The following ZNF423 variants were observed in gnomAD, a reference collection of about 807,000 sequenced individuals.
ZNF423 encodes the protein Ebf-associated zinc finger protein.
A neutral mutation model predicts 95.8 loss-of-function variants in ZNF423; 12 were observed. The ratio of observed to expected loss-of-function variants is 0.13; its 90% CI spans 0.08 to 0.20. The LOEUF (loss-of-function observed/expected upper bound fraction) is 0.20, where lower values mean the gene tolerates loss of function less well. ZNF423 is among the 10% of genes least tolerant of loss of function. The pLI, the probability that ZNF423 is intolerant of heterozygous loss-of-function variation, is 1.00. For missense variants in ZNF423, 1,316 were observed against 1,737.1 expected (o/e 0.76, Z 4.31); for synonymous variants, 749 against 711.9 (o/e 1.05, Z -0.83).
At chr16:49,745,611 C>T (rs1035163344) in intron 2 of ZNF423, among the ~76,000 whole-genome samples, 13 of 152,324 alleles carry the variant, frequency 8.5e-5, no homozygotes, top group Admixed American at 3.9e-4. Flanking sequence ...CGCACTCGAG[C>T]GCGACGTGGT....
chr16:49,559,622 A>G (rs894823774), intron 5 of ZNF423, among the ~76,000 whole-genome samples: 77 of 152,306 alleles, frequency 5.1e-4, no homozygotes, highest in Middle Eastern at 3.4e-3. Context: ...TGATGACAAC[A>G]TGTTTTCCTG....
rs372912977 is a variant in ZNF423 at position 49,545,433 on chromosome 16, G to T, written c.3602-19939C>A. ...CACATCTCAACATGTGCAAGACTGG[G>T]CCTTGGCTGCCACATGACCATGCCA... On this transcript the variant is annotated intron_variant, in intron 5 of 7. Transcript: ENST00000563137. Among the ~76,000 whole-genome samples the T allele has an allele frequency of 5.5e-4, 83 of 152,214 alleles. 3 individuals carry two copies. The East Asian group carries it at 0.012, about 21-fold the overall frequency.
Position 49,491,249 on chromosome 16 carries a change from G to T in ZNF423, c.*26C>A, listed in dbSNP as rs1966947152. 6.2e-7 allele frequency: 1 copy of T among 1,614,046 alleles called. No individual in the cohort carries two copies. The highest frequency in any genetic ancestry group is 8.5e-7 in the Non-Finnish European group (1 of 1,180,008). ...ACGGCGTCTCCGGCAAGCCTTCTGCGGAGAGGTGTCCTGTTGAGCGATCCC... is the reference window on the plus strand; with the variant it reads ...ACGGCGTCTCCGGCAAGCCTTCTGCTGAGAGGTGTCCTGTTGAGCGATCCC... On this transcript the variant is annotated 3_prime_UTR_variant, in exon 8 of 8. Transcript: ENST00000563137.
intron 3 of ZNF423, among the ~76,000 whole-genome samples, chr16:49,706,655 A>T (rs1393659281): frequency 6.6e-6 from 1 of 152,270 alleles, no homozygotes; most frequent in Non-Finnish European, 1.5e-5. Flanking sequence ...TCATCCATTC[A>T]TAAAAAATAC....
At chr16:49,682,948 C>T (rs955916908) in intron 3 of ZNF423, among the ~76,000 whole-genome samples, 3 of 152,182 alleles carry the variant, frequency 2.0e-5, no homozygotes, top group African/African-American at 7.2e-5. Flanking sequence ...GCAACCCCAC[C>T]GGGCACCCGT....
chr16:49,805,402 TG>T (rs2034646952), intron 1 of ZNF423, among the ~76,000 whole-genome samples: 1 of 152,142 alleles, frequency 6.6e-6, no homozygotes, highest in Non-Finnish European at 1.5e-5. Context: ...ATCTTACAGG[TG>T]GAAAAACCAG....
At chr16:49,787,837 A>G (rs1427408498) in intron 2 of ZNF423, among the ~76,000 whole-genome samples, 1 of 152,096 alleles carries the variant, frequency 6.6e-6, no homozygotes, top group African/African-American at 2.4e-5. Flanking sequence ...TGTAGACAAC[A>G]CTGGGCTGAG....
chr16:49,545,551 C>T (rs764990857), intron 5 of ZNF423, among the ~76,000 whole-genome samples: 1 of 152,174 alleles, frequency 6.6e-6, no homozygotes, highest in South Asian at 2.1e-4. Context: ...TGTTCAGCAC[C>T]GAGCCTCCGA....
rs941633996 is a variant in ZNF423, at chr16:49,695,513, G to A, written c.301+35258C>T. ...TCTCCATGTGGGTCAGGCTGGTCTC[G>A]AACTCCCAACCTCAGGTGATCCGCC... On this transcript the variant is annotated intron_variant, in intron 3 of 7. Transcript: ENST00000563137. Among the ~76,000 whole-genome samples, 12 of 152,310 alleles carry A rather than the reference G, an allele frequency of 7.9e-5. No homozygotes were observed. In the East Asian group the frequency reaches 9.7e-4, roughly 12 times the overall value.
At chr16:49,657,278 A>G (rs1281601022) in intron 3 of ZNF423, among the ~76,000 whole-genome samples, 1 of 152,216 alleles carries the variant, frequency 6.6e-6, no homozygotes, top group Admixed American at 6.5e-5. Context: ...CACCCCAAGT[A>G]TCTGGAGGAT....
chr16:49,803,933 C>CTTTTTT (rs535349308), intron 1 of ZNF423, among the ~76,000 whole-genome samples: 1 of 109,534 alleles, frequency 9.1e-6, no homozygotes, highest in Admixed American at 1.0e-4. Flanking sequence ...GGATGAGTTT[C>CTTTTTT]TTTTTTTTTT....
At chr16:49,821,693 G>A (rs1247999263) in intron 1 of ZNF423, among the ~76,000 whole-genome samples, 1 of 152,116 alleles carries the variant, frequency 6.6e-6, no homozygotes, top group South Asian at 2.1e-4. Flanking sequence ...TCCCTGCCTG[G>A]CAGCCCCCTC....
chr16:49,665,183 A>C (rs959869249), intron 3 of ZNF423, among the ~76,000 whole-genome samples: 1 of 152,258 alleles, frequency 6.6e-6, no homozygotes, highest in Non-Finnish European at 1.5e-5. Context: ...GGGTTCTGCC[A>C]TCAAGAGCTT....
In ZNF423 at chr16:49,677,491, A is replaced by G. The variant is rs117366245; in HGVS notation, c.302-38617T>C. ...AAAAGAAAAGGAAAGGAAAGGAAAGAAAAGAAAAGAATTTTGTTGCCAGGT... is the reference window on the plus strand; with the variant it reads ...AAAAGAAAAGGAAAGGAAAGGAAAGGAAAGAAAAGAATTTTGTTGCCAGGT... On this transcript the variant is annotated intron_variant, in intron 3 of 7. Coordinates refer to ENST00000563137, the MANE Select transcript of ZNF423 (RefSeq NM_001379286.1). Among the ~76,000 whole-genome samples, 1,480 of 151,840 alleles carry G rather than the reference A, an allele frequency of 9.7e-3. 48 individuals are homozygous for G. The highest frequency in any genetic ancestry group is 0.076 in the East Asian group (386 of 5,108).
intron 3 of ZNF423, among the ~76,000 whole-genome samples, chr16:49,658,249 C>T (rs770017681): frequency 1.3e-5 from 2 of 152,132 alleles, no homozygotes; most frequent in Admixed American, 6.5e-5. Context: ...GGGACGAGGG[C>T]GCACCTTCAT....
At chr16:49,688,433 G>A (rs769651061) in intron 3 of ZNF423, among the ~76,000 whole-genome samples, 14 of 152,198 alleles carry the variant, frequency 9.2e-5, no homozygotes, top group Admixed American at 4.6e-4. Flanking sequence ...GAGGGAAGCC[G>A]CTGGAGGTTT....
At chr16:49,657,198 C>A (rs1173227645) in intron 3 of ZNF423, among the ~76,000 whole-genome samples, 1 of 152,226 alleles carries the variant, frequency 6.6e-6, no homozygotes, top group African/African-American at 2.4e-5. Flanking sequence ...GCGGCACACA[C>A]TGTGTGACCT....
intron 5 of ZNF423, among the ~76,000 whole-genome samples, chr16:49,611,519 T>G (rs189138891): frequency 2.6e-5 from 4 of 152,020 alleles, no homozygotes; most frequent in Non-Finnish European, 5.9e-5. Flanking sequence ...GGGAAATGTA[T>G]AGCAATAAAT....
chr16:49,700,215 A>AAAG (rs1555473664), intron 3 of ZNF423, among the ~76,000 whole-genome samples: 1 of 136,110 alleles, frequency 7.3e-6, no homozygotes, highest in Admixed American at 7.3e-5. Context: ...AAAAAAAAAA[A>AAAG]AACAAGAAGA....
Sources: gnomAD v4.1 joint callset for allele counts (sites outside exome capture counted in the v4.1 genomes callset) on GRCh38, gnomAD v4.1.1 for gene constraint, MANE v1.5 for transcripts, NCBI Gene and HGNC (gene_info 2026-07-23, HGNC 2026-07-21) for gene names.